Variants in TMEM217B observed in about 807,000 individuals in gnomAD.
TMEM217B encodes the protein putative transmembrane protein 217B.
the TMEM217B span, among the ~76,000 whole-genome samples, chr6:37,217,212 T>G: frequency 6.6e-6 from 1 of 152,174 alleles, no homozygotes; most frequent in Non-Finnish European, 1.5e-5. Context: ...GAGAATCGCT[T>G]AAACCCGGGA....
chr6:37,225,017 A>C, the TMEM217B span, among the ~76,000 whole-genome samples: 724 of 151,536 alleles, frequency 4.8e-3, 2 homozygotes, highest in African/African-American at 0.015. Context: ...TATAAAAAAA[A>C]AAAAAAAAAC....
chr6:37,224,652 C>T, the TMEM217B span, among the ~76,000 whole-genome samples: 6 of 151,780 alleles, frequency 4.0e-5, no homozygotes, highest in South Asian at 8.3e-4. Context: ...GACAGCATCT[C>T]GCCATGTTAC....
chr6:37,222,708 C>G, the TMEM217B span, among the ~76,000 whole-genome samples: 1 of 152,350 alleles, frequency 6.6e-6, no homozygotes, highest in Middle Eastern at 3.4e-3. Flanking sequence ...AGCTGCAGCC[C>G]GCCCAAGAGG....
At chr6:37,229,986 C>T in the TMEM217B span, among the ~76,000 whole-genome samples, 2 of 152,200 alleles carry the variant, frequency 1.3e-5, no homozygotes, top group Non-Finnish European at 1.5e-5. Context: ...CCCCTTCTAG[C>T]CTCCTTCAGT....
the TMEM217B span, among the ~76,000 whole-genome samples, chr6:37,222,757 T>G: frequency 3.4e-4 from 51 of 152,218 alleles, no homozygotes; most frequent in East Asian, 9.5e-3. Context: ...GGAGGTGGGG[T>G]CTACGGCTTT....
At chr6:37,231,574 G>T in the TMEM217B span, among the ~76,000 whole-genome samples, 1 of 149,480 alleles carries the variant, frequency 6.7e-6, no homozygotes, top group Non-Finnish European at 1.5e-5. Context: ...TCGGGAGGCT[G>T]AGGCAGGAGA....
chr6:37,217,299 T>TA, the TMEM217B span, among the ~76,000 whole-genome samples: 1 of 152,090 alleles, frequency 6.6e-6, no homozygotes, highest in Non-Finnish European at 1.5e-5. Flanking sequence ...GTCTCAAAAA[T>TA]AAAAAATGTG....
the TMEM217B span, among the ~76,000 whole-genome samples, chr6:37,240,258 T>A: frequency 3.9e-5 from 6 of 152,198 alleles, no homozygotes; most frequent in African/African-American, 1.4e-4. Context: ...TGGTTCTGGT[T>A]CAAGGTTTCT....
the TMEM217B span, among the ~76,000 whole-genome samples, chr6:37,230,064 T>A: frequency 6.6e-6 from 1 of 152,362 alleles, no homozygotes; most frequent in African/African-American, 2.4e-5. Context: ...GGCTGTTAGC[T>A]GAGGGCCACC....
chr6:37,212,228 G>A, the TMEM217B span: 1 of 334,712 alleles, frequency 3.0e-6, no homozygotes, highest in Admixed American at 4.3e-5. Context: ...GCTAAAACAA[G>A]TCACACAACA....
At chr6:37,246,663 G>A in the TMEM217B span, among the ~76,000 whole-genome samples, 2 of 152,166 alleles carry the variant, frequency 1.3e-5, no homozygotes, top group African/African-American at 2.4e-5. Flanking sequence ...GGCACTTTGG[G>A]AGGCTGAGGC....
At chr6:37,232,693 G>GAGGA in the TMEM217B span, among the ~76,000 whole-genome samples, 1 of 152,276 alleles carries the variant, frequency 6.6e-6, no homozygotes, top group Non-Finnish European at 1.5e-5. Flanking sequence ...TTGTTACAAA[G>GAGGA]AGGAAGTATC....
the TMEM217B span, among the ~76,000 whole-genome samples, chr6:37,244,491 A>G: frequency 4.6e-5 from 7 of 152,368 alleles, no homozygotes; most frequent in East Asian, 1.3e-3. Flanking sequence ...AACATGTTGA[A>G]GTCTCGTCTA....
chr6:37,233,380 CAG>C, the TMEM217B span, among the ~76,000 whole-genome samples: 1 of 152,150 alleles, frequency 6.6e-6, no homozygotes, highest in Non-Finnish European at 1.5e-5. Flanking sequence ...TTATAAACAA[CAG>C]AAATTTATTT....
the TMEM217B span, among the ~76,000 whole-genome samples, chr6:37,222,539 A>G: frequency 6.6e-5 from 10 of 152,160 alleles, no homozygotes; most frequent in African/African-American, 2.2e-4. Flanking sequence ...CGGGTCTCCT[A>G]CTTGTCCCTG....
the TMEM217B span, among the ~76,000 whole-genome samples, chr6:37,243,226 T>C: frequency 6.6e-6 from 1 of 152,236 alleles, no homozygotes; most frequent in Non-Finnish European, 1.5e-5. Flanking sequence ...TTACTCTCTG[T>C]TTGCCCCTTC....
chr6:37,257,788 C>T, the TMEM217B span: 2 of 985,670 alleles, frequency 2.0e-6, no homozygotes, highest in African/African-American at 1.6e-5. Context: ...AAGATGGCGT[C>T]CCCAGGAGCT....
the TMEM217B span, among the ~76,000 whole-genome samples, chr6:37,228,895 G>A: frequency 6.6e-6 from 1 of 151,510 alleles, no homozygotes; most frequent in Non-Finnish European, 1.5e-5. Context: ...TACTCAGGAG[G>A]CCGAGGCAGG....
the TMEM217B span, chr6:37,218,372 T>C: frequency 8.5e-6 from 12 of 1,403,788 alleles, no homozygotes; most frequent in East Asian, 2.3e-5. Context: ...GGTTTTGCCA[T>C]GGCTGCCAAG....
Sources: allele counts gnomAD v4.1 joint callset (sites outside exome capture counted in the v4.1 genomes callset), GRCh38; gene constraint gnomAD v4.1.1; transcripts MANE v1.5; gene names NCBI Gene and HGNC (gene_info 2026-07-23, HGNC 2026-07-21).